The following RPS6KC1 variants were observed in gnomAD, a reference collection of about 807,000 sequenced individuals.
RPS6KC1 encodes the protein ribosomal protein S6 kinase C1.
A neutral mutation model predicts 103.8 loss-of-function variants in RPS6KC1; 54 were observed. The observed-to-expected ratio is 0.52, with a 90% CI of 0.42 to 0.65. The LOEUF (loss-of-function observed/expected upper bound fraction) is 0.65, where lower values mean the gene tolerates loss of function less well. Among genes scored for constraint, RPS6KC1 ranks in the 30% least tolerant of loss-of-function variants. The pLI is 0.00. For synonymous variants in RPS6KC1, 439 were observed against 438.7 expected (o/e 1.00, Z -0.01); for missense variants, 1,151 against 1,253.8 (o/e 0.92, Z 1.24).
chr1:213,212,778 T>A (rs899280142), intron 8 of RPS6KC1, among the ~76,000 whole-genome samples: 1 of 152,232 alleles, frequency 6.6e-6, no homozygotes, highest in Non-Finnish European at 1.5e-5. Flanking sequence ...TTGGCAATTC[T>A]AGTAGGTATG....
At chr1:213,404,470 T>A in the RPS6KC1 span, among the ~76,000 whole-genome samples, 1 of 152,338 alleles carries the variant, frequency 6.6e-6, no homozygotes. Context: ...TTTTCATTCT[T>A]ACATTCCTCC....
the RPS6KC1 span, among the ~76,000 whole-genome samples, chr1:213,315,468 A>G: frequency 6.6e-6 from 1 of 152,246 alleles, no homozygotes; most frequent in Non-Finnish European, 1.5e-5. Flanking sequence ...AAACTGATGT[A>G]TTTATCACAC....
At chr1:213,277,035 T>C (rs17020381), downstream of RPS6KC1, among the ~76,000 whole-genome samples, 1,064 of 152,372 alleles carry the variant, frequency 7.0e-3, 14 homozygotes, top group African/African-American at 0.024. Context: ...CATTAACCTC[T>C]ACCAGTCTAG....
the RPS6KC1 span, among the ~76,000 whole-genome samples, chr1:213,602,120 C>CTCTCTCTCTCTT: frequency 1.9e-4 from 1 of 5,156 alleles, no homozygotes; most frequent in African/African-American, 6.7e-4. Context: ...TTCTTTCTTT[C>CTCTCTCTCTCTT]TCTTTCTTTC....
At chr1:213,131,533 T>A (rs746814415) in intron 6 of RPS6KC1, among the ~76,000 whole-genome samples, 1 of 152,122 alleles carries the variant, frequency 6.6e-6, no homozygotes, top group Admixed American at 6.5e-5. Context: ...AACCTTTGCC[T>A]CCGGGGTTCA....
the RPS6KC1 span, among the ~76,000 whole-genome samples, chr1:213,646,153 G>T: frequency 6.6e-6 from 1 of 152,240 alleles, no homozygotes. Context: ...AGAAGGGGCA[G>T]TTCCCCCTGA....
downstream of RPS6KC1, among the ~76,000 whole-genome samples, chr1:213,276,506 C>G (rs73088020): frequency 7.3e-3 from 1,110 of 152,268 alleles, 12 homozygotes; most frequent in African/African-American, 0.025. Context: ...TCTCCTGGAC[C>G]TGTTCCCTTA....
At chr1:213,245,286 T>C (rs1395075727) in intron 12 of RPS6KC1, among the ~76,000 whole-genome samples, 1 of 152,176 alleles carries the variant, frequency 6.6e-6, no homozygotes, top group African/African-American at 2.4e-5. Context: ...TACAAATCAG[T>C]AACTACATGG....
At chr1:213,531,957 C>T in the RPS6KC1 span, among the ~76,000 whole-genome samples, 1 of 152,170 alleles carries the variant, frequency 6.6e-6, no homozygotes, top group African/African-American at 2.4e-5. Flanking sequence ...CCCAAAGAGG[C>T]TGGTGCTTGG....
chr1:213,260,019 G>A (rs529335742), intron 12 of RPS6KC1, among the ~76,000 whole-genome samples: 18 of 152,294 alleles, frequency 1.2e-4, no homozygotes, highest in African/African-American at 1.9e-4. Context: ...GATTATAGGC[G>A]TGAGCCACCT....
the RPS6KC1 span, among the ~76,000 whole-genome samples, chr1:213,691,651 A>G: frequency 1.3e-5 from 2 of 152,110 alleles, no homozygotes; most frequent in Non-Finnish European, 2.9e-5. Context: ...AAATTATTCT[A>G]TGTTATAATG....
intron 6 of RPS6KC1, among the ~76,000 whole-genome samples, chr1:213,142,884 C>T (rs996534980): frequency 6.6e-6 from 1 of 151,898 alleles, no homozygotes; most frequent in African/African-American, 2.4e-5. Context: ...TTATATGCAC[C>T]GGGAAACAGA....
intron 6 of RPS6KC1, among the ~76,000 whole-genome samples, chr1:213,139,353 A>G (rs182586967): frequency 6.6e-6 from 1 of 152,164 alleles, no homozygotes; most frequent in African/African-American, 2.4e-5. Flanking sequence ...TAGTTTAATT[A>G]GGCCCAGTTG....
chr1:213,092,007 A>G (rs568252866), intron 3 of RPS6KC1, among the ~76,000 whole-genome samples: 14 of 151,140 alleles, frequency 9.3e-5, no homozygotes, highest in Admixed American at 4.6e-4. Context: ...ACTCGTAATC[A>G]TTATATTCCG....
At chr1:213,322,107 A>G in the RPS6KC1 span, among the ~76,000 whole-genome samples, 1 of 152,094 alleles carries the variant, frequency 6.6e-6, no homozygotes. Flanking sequence ...GGAGTTTGAG[A>G]CCAGCCTGGC....
chr1:213,178,720 T>C (rs2092059725), intron 8 of RPS6KC1, among the ~76,000 whole-genome samples: 1 of 147,904 alleles, frequency 6.8e-6, no homozygotes, highest in Admixed American at 6.7e-5. Context: ...ACATTTAACT[T>C]TTTTTTTTTT....
At chr1:213,462,641 A>G in the RPS6KC1 span, among the ~76,000 whole-genome samples, 1 of 152,216 alleles carries the variant, frequency 6.6e-6, no homozygotes, top group Non-Finnish European at 1.5e-5. Context: ...ATTCTCAGCA[A>G]ACTAACACAG....
At position 213,173,779 on chromosome 1, in the gene RPS6KC1, A is replaced by C. The variant is rs1175229734; in HGVS notation, c.952-2621A>C. ...CAAATGGTGAACTTCTTGAGGTTAGACTGAGCCTTTTGATAATTTATAGCC... is the reference window on the plus strand; with the variant it reads ...CAAATGGTGAACTTCTTGAGGTTAGCCTGAGCCTTTTGATAATTTATAGCC... On this transcript the variant is annotated intron_variant, in intron 7 of 14. Coordinates refer to ENST00000366960, the MANE Select transcript of RPS6KC1 (RefSeq NM_012424.6). Among the ~76,000 whole-genome samples, 5 of 152,330 alleles carry C rather than the reference A, an allele frequency of 3.3e-5. No homozygotes were observed. The East Asian group carries it at 9.6e-4, about 29-fold the overall frequency.
chr1:213,576,281 T>A, the RPS6KC1 span, among the ~76,000 whole-genome samples: 1 of 151,886 alleles, frequency 6.6e-6, no homozygotes, highest in Non-Finnish European at 1.5e-5. Context: ...ACTTACCTAG[T>A]GCTTACATTG....
Sources: allele counts gnomAD v4.1 joint callset (sites outside exome capture counted in the v4.1 genomes callset), GRCh38; gene constraint gnomAD v4.1.1; transcripts MANE v1.5; gene names NCBI Gene and HGNC (gene_info 2026-07-23, HGNC 2026-07-21).